FCRL3: variants seen among roughly 807,000 people sequenced by gnomAD.
The protein encoded by FCRL3 is Fc receptor like 3.
FCRL3 carries 89 observed loss-of-function variants against 75.0 expected under a neutral mutation model. That is an observed-to-expected ratio of 1.19 (90% confidence interval 1.00 to 1.42). The LOEUF (loss-of-function observed/expected upper bound fraction) is 1.42. Among genes scored for constraint, FCRL3 ranks in the 40% most tolerant of loss-of-function variants. The pLI is 0.00. For synonymous variants in FCRL3, 376 were observed against 348.5 expected, an observed-to-expected ratio of 1.08 and a Z score of -0.88; for missense variants, 946 against 880.0, an observed-to-expected ratio of 1.07 and a Z score of -0.95.
chr1:157,690,623 C>A, intron 8 of FCRL3, 90 bp from the exon 9 acceptor site: 1 of 1,479,676 alleles, frequency 6.8e-7, no homozygotes, highest in Non-Finnish European at 9.1e-7. Context: ...AGTTGAGTTG[C>A]GGGAACATGC....
Position 157,680,994 on chromosome 1 carries a change from T to C in FCRL3, c.1944A>G (p.Pro648=). Reference sequence around the variant, plus strand: ...GGGAGTCCTCACCATTGCTGTACATTGGCTCCAGCTCCATTGGGGCTAGTG... The same window carrying C: ...GGGAGTCCTCACCATTGCTGTACATCGGCTCCAGCTCCATTGGGGCTAGTG... ...SKPLAPMELE[P]MYSNVNPGDS... Residue 648 remains proline (P), a synonymous_variant, in exon 12 of 15, where the codon CCA becomes CCG. Transcript: ENST00000368184. 1 of 1,589,180 alleles carries C rather than the reference T, an allele frequency of 6.3e-7. No individual in the cohort carries two copies. Among genetic ancestry groups the C allele is most frequent in the Non-Finnish European group, 8.5e-7 (1 of 1,171,160 alleles).
Position 157,680,837 on chromosome 1 carries a change from A to G in FCRL3, c.1958-67T>C. ...ATATTCTAGACTCTACTTCCCAATC[A>G]CCAAATTCATAACCAACTTCTATTC... On this transcript the variant is annotated intron_variant, in intron 12 of 14. Transcript: ENST00000368184. 3.3e-6 allele frequency: 5 copies of G among 1,518,442 alleles called. No homozygotes were observed. In the South Asian group the frequency reaches 4.6e-5, roughly 14 times the overall value. The allele number at this position is 1,518,442 out of a possible 1,614,324, so 94.1% of individuals were successfully genotyped here. A position where few individuals can be genotyped will look rare whatever the true frequency, so the allele number is the denominator to read the frequency against.
intron 8 of FCRL3, among the ~76,000 whole-genome samples, chr1:157,693,925 T>C (rs984186487): frequency 1.8e-4 from 28 of 152,240 alleles, no homozygotes; most frequent in South Asian, 8.3e-4. Context: ...ATTTTGTATT[T>C]TTTTGTAGAG....
intron 10 of FCRL3, among the ~76,000 whole-genome samples, chr1:157,689,202 A>G (rs902930771): frequency 1.3e-5 from 2 of 152,242 alleles, no homozygotes; most frequent in Non-Finnish European, 2.9e-5. Flanking sequence ...TTAATATTGG[A>G]AAGGAAAGAG....
At chr1:157,683,319 C>A (rs1455339657) in intron 10 of FCRL3, 75 bp from the exon 11 acceptor site, 20 of 1,550,460 alleles carry the variant, frequency 1.3e-5, no homozygotes, top group Non-Finnish European at 8.8e-7. Flanking sequence ...AACATTTTTT[C>A]CTAGAAATCA....
At chr1:157,690,580 T>A (rs903931866) in intron 8 of FCRL3, 47 bp from the exon 9 acceptor site, 2 of 1,598,346 alleles carry the variant, frequency 1.3e-6, no homozygotes, top group Admixed American at 3.4e-5. Flanking sequence ...TAAGTAGGTA[T>A]ACAAGAGAAC....
At chr1:157,679,645 A>G (rs931256601) in intron 13 of FCRL3, among the ~76,000 whole-genome samples, 6 of 152,014 alleles carry the variant, frequency 3.9e-5, no homozygotes, top group Admixed American at 1.3e-4. Context: ...CCTGGACAAC[A>G]TAGTGAAACC....
rs765852653 is a variant in FCRL3 at position 157,678,669 on chromosome 1, A to G, written c.*41T>C. The G allele has an allele frequency of 2.5e-6, 4 of 1,607,778 alleles. No homozygotes were observed. The South Asian group carries it at 3.3e-5, about 13-fold the overall frequency. ...GTGGTTGGAGAGAACAGAAAAAAAA[A>G]TGGTGCAGGCTGTTTCCTGTGGGCC... On this transcript the variant is annotated 3_prime_UTR_variant, in exon 15 of 15. Coordinates refer to ENST00000368184, the MANE Select transcript of FCRL3 (RefSeq NM_052939.4).
rs1282515827 is a variant in FCRL3 at position 157,695,349 on chromosome 1, C to T, written c.1391G>A (p.Gly464Glu). The T allele has an allele frequency of 1.9e-6, 3 of 1,613,784 alleles. No homozygotes were observed. Among genetic ancestry groups the T allele is most frequent in the Non-Finnish European group, 2.5e-6 (3 of 1,179,860 alleles). ...CTTACCTGTGACCCTGAGACTCACT[C>T]CATGACTGTGCTGGGCCCCCAGGCC... is the stretch of plus-strand genomic sequence containing the variant. ...DNGLGAQHSH[G>E]VSLRVTVPVS... Residue 464 changes from glycine (G) to glutamate (E), a missense_variant, in exon 8 of 15, where the codon GGA becomes GAA. Physicochemically the swap from Gly to Glu is moderately conservative, Grantham distance 98. Transcript: ENST00000368184.
At position 157,676,758 on chromosome 1, in the gene FCRL3, G is replaced by A; in HGVS notation, c.*1952C>T. 6.5e-7 allele frequency: 1 copy of A among 1,550,270 alleles called. No homozygotes were observed. Among genetic ancestry groups the A allele is most frequent in the Non-Finnish European group, 8.7e-7 (1 of 1,146,852 alleles). ...AAAATCTTGAACTTTGTTCTTTCTT[G>A]GGTTCAGAATCTAGAAAATGGATAA... On this transcript the variant is annotated 3_prime_UTR_variant, in exon 15 of 15. Transcript: ENST00000368184.
chr1:157,686,263 TA>T (rs34123636), intron 10 of FCRL3, among the ~76,000 whole-genome samples: 92,160 of 149,498 alleles, frequency 0.62, 29,736 homozygotes, highest in African/African-American at 0.84. Flanking sequence ...TGCGAGAAAT[TA>T]AAAAAAAAAA....
At chr1:157,698,291 G>C in intron 4 of FCRL3, 93 bp downstream of exon 4, 1 of 1,475,452 alleles carries the variant, frequency 6.8e-7, no homozygotes, top group Middle Eastern at 1.8e-4. Context: ...CCCCATGTCT[G>C]CTTACAACTC....
intron 10 of FCRL3, among the ~76,000 whole-genome samples, chr1:157,685,276 A>G (rs1655107225): frequency 2.0e-5 from 3 of 152,124 alleles, no homozygotes; most frequent in South Asian, 4.1e-4. Context: ...TATAAGTAAT[A>G]TAATTTCACT....
Position 157,678,527 on chromosome 1 carries a change from C to T in FCRL3, c.*183G>A, listed in dbSNP as rs998678636. The T allele has an allele frequency of 1.4e-6, 2 of 1,442,804 alleles. No homozygotes were observed. Among genetic ancestry groups the T allele is most frequent in the South Asian group, 1.5e-5 (1 of 67,646 alleles). The allele number at this position is 1,442,804 out of a possible 1,614,324, so 89.4% of individuals were successfully genotyped here. On this transcript the variant is annotated 3_prime_UTR_variant, in exon 15 of 15. Coordinates refer to ENST00000368184, the MANE Select transcript of FCRL3 (RefSeq NM_052939.4). ...AGTGCTTGCTCAGAGGCTGCCTGCT[C>T]TCTTCCTGGGGAACACACAGATCAG... is the stretch of plus-strand genomic sequence containing the variant.
At chr1:157,689,986 A>G (rs189191714) in intron 9 of FCRL3, 69 bp from the exon 10 acceptor site, 1 of 1,595,982 alleles carries the variant, frequency 6.3e-7, no homozygotes, top group Non-Finnish European at 8.6e-7. Flanking sequence ...TCATGCAAGT[A>G]GGGTGAGTGT....
Position 157,689,778 on chromosome 1 carries a change from G to A in FCRL3, c.1810+20C>T. 6.2e-7 allele frequency: 1 copy of A among 1,613,994 alleles called. No individual in the cohort carries two copies. Among genetic ancestry groups the A allele is most frequent in the South Asian group, 1.1e-5 (1 of 91,074 alleles). ...TAGCAACGGCAAAATCACATCACAA[G>A]GTAGGACCTAGACACCCACCTGGTT... On this transcript the variant is annotated intron_variant, in intron 10 of 14. Coordinates refer to ENST00000368184, the MANE Select transcript of FCRL3 (RefSeq NM_052939.4).
chr1:157,683,290 A>G (rs1464925321), intron 10 of FCRL3, 46 bp from the exon 11 acceptor site: 1 of 1,602,024 alleles, frequency 6.2e-7, no homozygotes, highest in Non-Finnish European at 8.5e-7. Context: ...AGCTGTGTAA[A>G]TAATGAACTC....
Position 157,678,419 on chromosome 1 carries a change from T to C in FCRL3, c.*291A>G. 1 of 1,243,642 alleles carries C rather than the reference T, an allele frequency of 8.0e-7. No homozygotes were observed. The highest frequency in any genetic ancestry group is 1.0e-6 in the Non-Finnish European group (1 of 985,928). The allele number at this position is 1,243,642 out of a possible 1,614,324, so 77.0% of individuals were successfully genotyped here. ...TGCCCTTGTAACCCTGGCTAGACCATTTCTCTCTCCTCCTCTATTCGACAG... is the reference window on the plus strand; with the variant it reads ...TGCCCTTGTAACCCTGGCTAGACCACTTCTCTCTCCTCCTCTATTCGACAG... On this transcript the variant is annotated 3_prime_UTR_variant, in exon 15 of 15. Coordinates refer to ENST00000368184, the MANE Select transcript of FCRL3 (RefSeq NM_052939.4).
intron 13 of FCRL3, among the ~76,000 whole-genome samples, chr1:157,680,439 C>T (rs1015380983): frequency 2.0e-5 from 3 of 152,154 alleles, no homozygotes; most frequent in African/African-American, 7.2e-5. Flanking sequence ...TTTTAGGGGG[C>T]CTACAGTTTT....
Sources: gnomAD v4.1 joint callset for allele counts (sites outside exome capture counted in the v4.1 genomes callset) on GRCh38, gnomAD v4.1.1 for gene constraint, MANE v1.5 for transcripts, NCBI Gene and HGNC (gene_info 2026-07-23, HGNC 2026-07-21) for gene names.